SAG: variants seen among roughly 807,000 people sequenced by gnomAD.
The protein encoded by SAG is S-arrestin.
A neutral mutation model predicts 55.0 loss-of-function variants in SAG; 45 were observed. The observed-to-expected ratio is 0.82, with a 90% confidence interval of 0.64 to 1.05. The LOEUF (loss-of-function observed/expected upper bound fraction) is 1.05. Ranked by LOEUF, SAG falls within the 50% of genes least tolerant of loss-of-function variation. SAG has a pLI of 0.00. For missense variants in SAG, 455 were observed against 512.1 expected, an observed-to-expected ratio of 0.89 and a Z score of 1.08; for synonymous variants, 189 against 197.4, an observed-to-expected ratio of 0.96 and a Z score of 0.36.
At chr2:233,312,865 C>T (rs1044859534) in intron 2 of SAG, among the ~76,000 whole-genome samples, 1 of 152,206 alleles carries the variant, frequency 6.6e-6, no homozygotes, top group Non-Finnish European at 1.5e-5. Flanking sequence ...GGCTTCCTCC[C>T]CACCAGCCTT....
intron 7 of SAG, 23 bp downstream of exon 7, chr2:233,327,220 G>A: frequency 6.3e-7 from 1 of 1,597,512 alleles, no homozygotes. Flanking sequence ...TTGCGGAATA[G>A]GTGAGGGGTC....
chr2:233,308,693 T>C (rs974420951), intron 1 of SAG, among the ~76,000 whole-genome samples: 1 of 152,176 alleles, frequency 6.6e-6, no homozygotes, highest in African/African-American at 2.4e-5. Flanking sequence ...TCCCAGAATG[T>C]TGAGATGACA....
intron 14 of SAG, chr2:233,343,725 C>A: frequency 8.3e-7 from 1 of 1,206,772 alleles, no homozygotes; most frequent in Non-Finnish European, 1.0e-6. Context: ...GAAAGAAAAA[C>A]AGATCTGTCT....
At chr2:233,341,809 C>T (rs1330883103) in intron 13 of SAG, among the ~76,000 whole-genome samples, 3 of 152,054 alleles carry the variant, frequency 2.0e-5, no homozygotes, top group Non-Finnish European at 4.4e-5. Flanking sequence ...TATTTAATGC[C>T]ACCGAATTGT....
chr2:233,338,066 G>C (rs1315494482), intron 11 of SAG, among the ~76,000 whole-genome samples: 34 of 152,228 alleles, frequency 2.2e-4, no homozygotes, highest in Non-Finnish European at 4.4e-5. Flanking sequence ...TTGGTGCCAG[G>C]TCTGATGCTG....
chr2:233,333,281 C>G (rs1243395924), intron 10 of SAG: 2 of 152,244 alleles, frequency 1.3e-5, no homozygotes, highest in Non-Finnish European at 2.9e-5. Context: ...CTGGAGGGGT[C>G]TTGGCCCTGG....
At chr2:233,331,486 C>A in intron 9 of SAG, 154 bp from the exon 10 acceptor site, 1 of 694,310 alleles carries the variant, frequency 1.4e-6, no homozygotes, top group Non-Finnish European at 2.6e-6. Flanking sequence ...AAAACCCCAG[C>A]CTTGAAGCTG....
intron 2 of SAG, among the ~76,000 whole-genome samples, chr2:233,315,367 A>C (rs1013851685): frequency 1.5e-5 from 2 of 131,186 alleles, no homozygotes; most frequent in South Asian, 2.4e-4. Context: ...ATCTCTGCTC[A>C]CTGCAACCTC....
At position 233,329,512 on chromosome 2, in the gene SAG, C is replaced by G. The variant is rs774169535; in HGVS notation, c.668C>G (p.Pro223Arg). Residue 223 changes from proline (P) to arginine (R), a missense_variant, in exon 9 of 16, where the codon CCC becomes CGC. Physicochemically the swap from Pro to Arg is moderately radical, Grantham distance 103. Transcript: ENST00000409110. ...LNKEIYFHGE[P>R]IPVTVTVTNN... ...TTCTAGATCTATTTCCATGGGGAGC[C>G]CATCCCTGTGACCGTGACTGTCACC... is the stretch of plus-strand genomic sequence containing the variant. 66 of 1,612,570 alleles carry G rather than the reference C, an allele frequency of 4.1e-5. No homozygotes were observed. Among genetic ancestry groups the G allele is most frequent in the Non-Finnish European group, 5.3e-5 (62 of 1,178,722 alleles).
intron 8 of SAG, 33 bp downstream of exon 8, chr2:233,328,646 C>A (rs1298625696): frequency 1.9e-6 from 3 of 1,586,270 alleles, no homozygotes; most frequent in Non-Finnish European, 2.6e-6. Context: ...ACCCGCAGGG[C>A]AGCAGGCCTA....
chr2:233,310,072 G>A (rs556780078), intron 2 of SAG, among the ~76,000 whole-genome samples: 47 of 152,306 alleles, frequency 3.1e-4, no homozygotes, highest in African/African-American at 1.1e-3. Context: ...AAATGCCCCA[G>A]TCTGCCCCCT....
At chr2:233,341,034 G>A (rs138803204) in intron 13 of SAG, among the ~76,000 whole-genome samples, 5,026 of 152,168 alleles carry the variant, frequency 0.033, 269 homozygotes, top group African/African-American at 0.11. Context: ...GGCTGGTCTC[G>A]AACTCCTGAC....
intron 2 of SAG, among the ~76,000 whole-genome samples, chr2:233,315,356 G>A (rs892265538): frequency 4.6e-5 from 6 of 129,976 alleles, no homozygotes; most frequent in Admixed American, 9.2e-5. Flanking sequence ...GCAGTGGAAC[G>A]ATCTCTGCTC....
chr2:233,336,863 G>A (rs1272248686), intron 11 of SAG, among the ~76,000 whole-genome samples: 1 of 152,142 alleles, frequency 6.6e-6, no homozygotes, highest in Non-Finnish European at 1.5e-5. Flanking sequence ...TAGAAGGCCA[G>A]AGTGGGCGAA....
Position 233,335,881 on chromosome 2 carries a change from T to C in SAG, c.944+782T>C, listed in dbSNP as rs550160234. 9.2e-5 allele frequency among the ~76,000 whole-genome samples: 14 copies of C among 152,328 alleles called. No individual in the cohort carries two copies. The East Asian group carries it at 1.2e-3, about 13-fold the overall frequency. ...TGTGATATGCTGGGGGTTCCCTCTGTGGCCCCAGTAGACCACCTCCGAGGT... is the reference window on the plus strand; with the variant it reads ...TGTGATATGCTGGGGGTTCCCTCTGCGGCCCCAGTAGACCACCTCCGAGGT... On this transcript the variant is annotated intron_variant, in intron 11 of 15. Transcript: ENST00000409110.
At chr2:233,339,533 T>A (rs1574953278) in intron 12 of SAG, among the ~76,000 whole-genome samples, 1 of 139,986 alleles carries the variant, frequency 7.1e-6, no homozygotes, top group Admixed American at 7.5e-5. Flanking sequence ...TTCGTTAGCA[T>A]AGTGTTTTTT....
At chr2:233,314,221 CAA>C (rs59624953) in intron 2 of SAG, among the ~76,000 whole-genome samples, 14 of 133,544 alleles carry the variant, frequency 1.0e-4, no homozygotes, top group Admixed American at 1.5e-4. Context: ...GACCTTGTCT[CAA>C]AAAAAAAAAA....
At chr2:233,339,503 C>CATGGGTCT (rs2125349342) in intron 12 of SAG, among the ~76,000 whole-genome samples, 1 of 148,892 alleles carries the variant, frequency 6.7e-6, no homozygotes, top group South Asian at 2.1e-4. Flanking sequence ...CAAAGTAGAA[C>CATGGGTCT]ATGGGTCTAT....
chr2:233,341,377 C>T (rs939058606), intron 13 of SAG, among the ~76,000 whole-genome samples: 8 of 152,190 alleles, frequency 5.3e-5, no homozygotes, highest in East Asian at 1.9e-4. Context: ...GCTGCTGCTT[C>T]GTGCATAATT....
Sources: allele counts gnomAD v4.1 joint callset (sites outside exome capture counted in the v4.1 genomes callset), GRCh38; gene constraint gnomAD v4.1.1; transcripts MANE v1.5; gene names NCBI Gene and HGNC (gene_info 2026-07-23, HGNC 2026-07-21).